The following USP10 variants were observed in gnomAD, a reference collection of about 807,000 sequenced individuals.
USP10 encodes ubiquitin carboxyl-terminal hydrolase 10.
A neutral mutation model predicts 84.5 loss-of-function variants in USP10; 22 were observed. That is an observed-to-expected ratio of 0.26 (90% CI 0.19 to 0.37). USP10 has a LOEUF of 0.37. Among genes scored for constraint, USP10 ranks in the 10% least tolerant of loss-of-function variants. The pLI, the probability that USP10 is intolerant of heterozygous loss-of-function variation, is 1.00. For synonymous variants in USP10, 454 were observed against 387.6 expected, an observed-to-expected ratio of 1.17 and a Z score of -2.01; for missense variants, 1,019 against 998.9, an observed-to-expected ratio of 1.02 and a Z score of -0.27.
intron 4 of USP10, among the ~76,000 whole-genome samples, chr16:84,752,706 A>G (rs929727169): frequency 3.9e-5 from 6 of 152,194 alleles, no homozygotes; most frequent in Non-Finnish European, 8.8e-5. Flanking sequence ...AGGAATTAGA[A>G]CTGCTTTTGC....
intron 1 of USP10, chr16:84,733,104 A>G (rs1909452438): frequency 2.1e-6 from 1 of 468,672 alleles, no homozygotes; most frequent in African/African-American, 2.0e-5. Context: ...GTCAGCAGAA[A>G]GGTAAATGGA....
chr16:84,711,051 A>T (rs144493110), intron 1 of USP10, among the ~76,000 whole-genome samples: 231 of 152,272 alleles, frequency 1.5e-3, no homozygotes, highest in African/African-American at 5.2e-3. Context: ...GCCGAGTGGA[A>T]TGGTGGAACA....
chr16:84,721,141 C>T (rs1020295132), intron 1 of USP10, among the ~76,000 whole-genome samples: 3 of 152,110 alleles, frequency 2.0e-5, no homozygotes, highest in Admixed American at 6.5e-5. Context: ...ATCCACCTGC[C>T]TGGGCCTCCC....
intron 1 of USP10, among the ~76,000 whole-genome samples, chr16:84,722,447 G>A (rs562649231): frequency 3.3e-5 from 5 of 152,328 alleles, no homozygotes; most frequent in Admixed American, 6.5e-5. Context: ...TGTGGTAAGC[G>A]TATATTCTAT....
rs771046313 is a variant in USP10 at position 84,775,143 on chromosome 16, G to A, written c.2144-17G>A. 2 of 1,612,938 alleles carry A rather than the reference G, an allele frequency of 1.2e-6. No homozygotes were observed. Among genetic ancestry groups the A allele is most frequent in the Non-Finnish European group, 1.7e-6 (2 of 1,179,032 alleles). ...CTTTCTAAAAGTGCTTCAAGCCATTGATATTTTGTTTTCCAGAACTGCTTT... is the reference window on the plus strand; with the variant it reads ...CTTTCTAAAAGTGCTTCAAGCCATTAATATTTTGTTTTCCAGAACTGCTTT... On this transcript the variant is annotated splice_polypyrimidine_tract_variant and intron_variant, in intron 12 of 13. Coordinates refer to ENST00000219473, the MANE Select transcript of USP10 (RefSeq NM_005153.3).
chr16:84,741,140 T>A (rs573729610), intron 3 of USP10, among the ~76,000 whole-genome samples: 1 of 152,226 alleles, frequency 6.6e-6, no homozygotes, highest in Non-Finnish European at 1.5e-5. Context: ...GTCAGACTTA[T>A]GAAAGGGGTT....
intron 10 of USP10, among the ~76,000 whole-genome samples, chr16:84,767,759 TCAG>T (rs1272894260): frequency 6.6e-6 from 1 of 152,008 alleles, no homozygotes; most frequent in African/African-American, 2.4e-5. Flanking sequence ...GAGGTGCTAT[TCAG>T]CAGAATTATT....
intron 1 of USP10, among the ~76,000 whole-genome samples, chr16:84,703,937 A>G (rs904419735): frequency 1.6e-4 from 24 of 152,242 alleles, no homozygotes; most frequent in Middle Eastern, 3.2e-3. Flanking sequence ...AAGTTAGGAC[A>G]TGTATTCCAG....
chr16:84,713,817 G>A (rs1415917362), intron 1 of USP10, among the ~76,000 whole-genome samples: 1 of 152,210 alleles, frequency 6.6e-6, no homozygotes, highest in Non-Finnish European at 1.5e-5. Flanking sequence ...TTGGAACTGA[G>A]TTCTATAGTT....
chr16:84,712,893 G>A (rs1326556714), intron 1 of USP10, among the ~76,000 whole-genome samples: 2 of 152,218 alleles, frequency 1.3e-5, no homozygotes, highest in Non-Finnish European at 2.9e-5. Flanking sequence ...TAGCAATGCA[G>A]AGAGAATGCC....
intron 4 of USP10, among the ~76,000 whole-genome samples, chr16:84,757,101 C>G (rs1567635894): frequency 6.6e-6 from 1 of 152,142 alleles, no homozygotes; most frequent in Non-Finnish European, 1.5e-5. Flanking sequence ...ATAATATACA[C>G]AAAGCTTCTA....
chr16:84,760,600 T>C (rs1913098885), intron 8 of USP10, among the ~76,000 whole-genome samples: 1 of 152,222 alleles, frequency 6.6e-6, no homozygotes, highest in Admixed American at 6.5e-5. Flanking sequence ...CACTGCACTA[T>C]ATGCCACTGG....
chr16:84,715,435 A>C (rs1281646413), intron 1 of USP10, among the ~76,000 whole-genome samples: 2 of 152,114 alleles, frequency 1.3e-5, no homozygotes, highest in Non-Finnish European at 2.9e-5. Context: ...TTTTGTAGTA[A>C]TTCAGAGAAT....
At chr16:84,764,386 C>T in intron 10 of USP10, 123 bp downstream of exon 10, 5 of 1,298,954 alleles carry the variant, frequency 3.8e-6, no homozygotes, top group Non-Finnish European at 5.4e-6. Flanking sequence ...ATCTTGCTCC[C>T]CTGCCTGCTC....
chr16:84,726,598 C>A (rs1441373401), intron 1 of USP10, among the ~76,000 whole-genome samples: 2 of 152,146 alleles, frequency 1.3e-5, no homozygotes, highest in Non-Finnish European at 2.9e-5. Flanking sequence ...GGGCTTGCCC[C>A]CCTTTTCTCG....
chr16:84,714,107 T>G (rs1204704071), intron 1 of USP10, among the ~76,000 whole-genome samples: 1 of 151,268 alleles, frequency 6.6e-6, no homozygotes, highest in Non-Finnish European at 1.5e-5. Flanking sequence ...GTTTGGAGGG[T>G]GAGGGGTGAG....
intron 13 of USP10, among the ~76,000 whole-genome samples, chr16:84,778,349 A>T (rs955990419): frequency 6.6e-6 from 1 of 152,192 alleles, no homozygotes; most frequent in South Asian, 2.1e-4. Context: ...TTAATATACC[A>T]TAAGCGTATT....
intron 3 of USP10, among the ~76,000 whole-genome samples, chr16:84,742,097 A>G (rs946742537): frequency 2.0e-5 from 3 of 152,212 alleles, no homozygotes; most frequent in Admixed American, 6.5e-5. Context: ...TAATTTTTGT[A>G]GGTACATAAT....
At chr16:84,761,040 C>G (rs1567640411) in intron 8 of USP10, among the ~76,000 whole-genome samples, 1 of 152,170 alleles carries the variant, frequency 6.6e-6, no homozygotes, top group South Asian at 2.1e-4. Flanking sequence ...AGCATAGGGT[C>G]TTAAGCTTTT....
Sources: gnomAD v4.1 joint callset for allele counts (sites outside exome capture counted in the v4.1 genomes callset) on GRCh38, gnomAD v4.1.1 for gene constraint, MANE v1.5 for transcripts, NCBI Gene and HGNC (gene_info 2026-07-23, HGNC 2026-07-21) for gene names.